The following BICC1 variants were observed in gnomAD, a reference collection of about 807,000 sequenced individuals.
BICC1 encodes the protein BicC family RNA binding protein 1, also known as protein bicaudal C homolog 1.
Under a neutral mutation model 111.0 loss-of-function variants are expected in BICC1, and 43 were observed. The ratio of observed to expected loss-of-function variants is 0.39; its 90% CI spans 0.30 to 0.50. The LOEUF (loss-of-function observed/expected upper bound fraction) is 0.50, where lower values mean the gene tolerates loss of function less well. Ranked by LOEUF, BICC1 falls within the 20% of genes least tolerant of loss-of-function variation. BICC1 has a pLI of 0.88. For synonymous variants in BICC1, 467 were observed against 434.4 expected, an observed-to-expected ratio of 1.07 and a Z score of -0.93; for missense variants, 1,091 against 1,203.2, an observed-to-expected ratio of 0.91 and a Z score of 1.38.
intron 1 of BICC1, among the ~76,000 whole-genome samples, chr10:58,539,468 T>C (rs1842904413): frequency 6.6e-6 from 1 of 151,636 alleles, no homozygotes; most frequent in Non-Finnish European, 1.5e-5. Flanking sequence ...ACTAAAATTC[T>C]AGACTTCTCC....
intron 2 of BICC1, among the ~76,000 whole-genome samples, chr10:58,698,288 T>C (rs1433831279): frequency 6.6e-6 from 1 of 152,186 alleles, no homozygotes; most frequent in Non-Finnish European, 1.5e-5. Context: ...CTGTCCTGGA[T>C]GTGTGGGGTG....
At chr10:58,597,675 G>A (rs189705524) in intron 1 of BICC1, among the ~76,000 whole-genome samples, 39 of 152,004 alleles carry the variant, frequency 2.6e-4, no homozygotes, top group African/African-American at 9.2e-4. Context: ...CAAAGCAGCC[G>A]ATTATTGACC....
intron 1 of BICC1, among the ~76,000 whole-genome samples, chr10:58,552,098 G>A (rs1473966153): frequency 6.6e-6 from 1 of 151,112 alleles, no homozygotes; most frequent in African/African-American, 2.4e-5. Context: ...TGTCAATAGA[G>A]TACAAAAATG....
chr10:58,533,436 C>G (rs1204241226), intron 1 of BICC1, among the ~76,000 whole-genome samples: 2 of 151,772 alleles, frequency 1.3e-5, no homozygotes, highest in East Asian at 1.9e-4. Context: ...TACAAGAGTA[C>G]TGGAACTTTT....
intron 1 of BICC1, among the ~76,000 whole-genome samples, chr10:58,528,284 C>T (rs993620004): frequency 8.6e-5 from 13 of 151,814 alleles, no homozygotes; most frequent in Non-Finnish European, 1.8e-4. Context: ...CACCCTCAAT[C>T]TAGGCCGTAT....
At chr10:58,824,669 G>A (rs1416906828) in intron 20 of BICC1, among the ~76,000 whole-genome samples, 3 of 152,172 alleles carry the variant, frequency 2.0e-5, no homozygotes, top group African/African-American at 7.2e-5. Flanking sequence ...GATTGATTGT[G>A]TGTGTGTGGT....
At chr10:58,820,694 T>C (rs1844228021) in intron 20 of BICC1, among the ~76,000 whole-genome samples, 1 of 152,100 alleles carries the variant, frequency 6.6e-6, no homozygotes, top group Non-Finnish European at 1.5e-5. Flanking sequence ...TATATGAAAA[T>C]AGATCTCTTC....
intron 1 of BICC1, among the ~76,000 whole-genome samples, chr10:58,514,654 T>G (rs973656237): frequency 7.2e-6 from 1 of 139,482 alleles, no homozygotes; most frequent in African/African-American, 2.8e-5. Context: ...GTGTGTCATG[T>G]CTTTCTCTGT....
At chr10:58,723,165 T>C (rs570591455) in intron 3 of BICC1, among the ~76,000 whole-genome samples, 1 of 152,360 alleles carries the variant, frequency 6.6e-6, no homozygotes, top group Non-Finnish European at 1.5e-5. Flanking sequence ...TAAATATTTA[T>C]TAAAACTAAT....
chr10:58,694,648 C>T (rs576246755), intron 2 of BICC1, among the ~76,000 whole-genome samples: 12 of 152,128 alleles, frequency 7.9e-5, no homozygotes, highest in Admixed American at 6.6e-5. Context: ...GGCCACTTGA[C>T]GGCATTCCAT....
rs1844557815 is a variant in BICC1, at chr10:58,590,007, T to C, written c.191-30848T>C. On this transcript the variant is annotated intron_variant, in intron 1 of 20. Coordinates refer to ENST00000373886, the MANE Select transcript of BICC1 (RefSeq NM_001080512.3). ...GCTTTTGTTCCTATCCTCACCCATGTGTATTTATTTCCAGGAAATCTACAA... is the reference window on the plus strand; with the variant it reads ...GCTTTTGTTCCTATCCTCACCCATGCGTATTTATTTCCAGGAAATCTACAA... 2.0e-5 allele frequency among the ~76,000 whole-genome samples: 3 copies of C among 152,248 alleles called. No homozygotes were observed. In the South Asian group the frequency reaches 6.2e-4, roughly 32 times the overall value.
intron 2 of BICC1, among the ~76,000 whole-genome samples, chr10:58,677,091 G>C (rs188293628): frequency 2.5e-4 from 38 of 152,298 alleles, no homozygotes; most frequent in Admixed American, 1.4e-3. Context: ...CTGAAGATGA[G>C]GAAAAAGCAG....
intron 1 of BICC1, among the ~76,000 whole-genome samples, chr10:58,559,344 T>C (rs1219159902): frequency 1.3e-5 from 2 of 152,110 alleles, no homozygotes; most frequent in Non-Finnish European, 2.9e-5. Context: ...TTTGTGTTTT[T>C]TTTTTGGTAA....
At chr10:58,625,712 C>A (rs1437521146) in intron 2 of BICC1, among the ~76,000 whole-genome samples, 1 of 152,084 alleles carries the variant, frequency 6.6e-6, no homozygotes, top group African/African-American at 2.4e-5. Context: ...TGTTTTCAGA[C>A]TGGAAAATAG....
intron 2 of BICC1, among the ~76,000 whole-genome samples, chr10:58,679,242 C>T (rs987462287): frequency 1.3e-5 from 2 of 151,970 alleles, no homozygotes; most frequent in African/African-American, 2.4e-5. Flanking sequence ...TCAGTGAATC[C>T]AGGAGCTGGT....
intron 1 of BICC1, among the ~76,000 whole-genome samples, chr10:58,519,743 T>C (rs1842340796): frequency 6.6e-6 from 1 of 152,160 alleles, no homozygotes; most frequent in African/African-American, 2.4e-5. Flanking sequence ...TCTGATCATC[T>C]AAAGCTCTTC....
chr10:58,821,742 A>T (rs564770812), intron 20 of BICC1, among the ~76,000 whole-genome samples: 29 of 152,258 alleles, frequency 1.9e-4, no homozygotes, highest in South Asian at 8.3e-4. Context: ...TGCTCATAAG[A>T]TCATCTTGGT....
At chr10:58,672,524 G>C (rs986354995) in intron 2 of BICC1, among the ~76,000 whole-genome samples, 1 of 152,100 alleles carries the variant, frequency 6.6e-6, no homozygotes, top group African/African-American at 2.4e-5. Flanking sequence ...TATTAGACTA[G>C]TTGGGGTCTG....
Position 58,694,849 on chromosome 10 carries a change from A to G in BICC1, c.238-7225A>G, listed in dbSNP as rs180851177. Among the ~76,000 whole-genome samples, 194 of 152,222 alleles carry G rather than the reference A, an allele frequency of 1.3e-3. 1 individual carries two copies. Among genetic ancestry groups the G allele is most frequent in the African/African-American group, 4.4e-3 (184 of 41,548 alleles). On this transcript the variant is annotated intron_variant, in intron 2 of 20. Transcript: ENST00000373886. ...CTGCTGCTCAGTTACTTCAGCATTT[A>G]TGGCTGAATTCTGAGAGGTGGAGCT... is the stretch of plus-strand genomic sequence containing the variant.
Sources: gnomAD v4.1 joint callset for allele counts (sites outside exome capture counted in the v4.1 genomes callset) on GRCh38, gnomAD v4.1.1 for gene constraint, MANE v1.5 for transcripts, NCBI Gene and HGNC (gene_info 2026-07-23, HGNC 2026-07-21) for gene names.